The following LURAP1 variants were observed in gnomAD, a reference collection of about 807,000 sequenced individuals.
LURAP1 encodes the protein NF-kappa-B activator C1orf190.
In LURAP1, 14 loss-of-function variants were observed where a neutral mutation model predicts 19.0. That is an observed-to-expected ratio of 0.74 (90% confidence interval 0.49 to 1.15). The LOEUF is 1.15. LURAP1 is among the 50% of genes most tolerant of loss of function. The pLI, the probability that LURAP1 is intolerant of heterozygous loss-of-function variation, is 0.00. For synonymous variants in LURAP1, 129 were observed against 131.8 expected (o/e 0.98, Z 0.14); for missense variants, 273 against 309.1 (o/e 0.88, Z 0.87).
chr1:46,207,137 A>G (rs148531619), intron 1 of LURAP1, among the ~76,000 whole-genome samples: 3 of 151,024 alleles, frequency 2.0e-5, no homozygotes, highest in East Asian at 3.9e-4. Context: ...CTGGAGTGCA[A>G]TGGTACAATG....
rs112646799 is a variant in LURAP1, at chr1:46,214,164, G to A, written c.199-5535G>A. 8.2e-3 allele frequency among the ~76,000 whole-genome samples: 1,255 copies of A among 152,246 alleles called. 19 individuals carry two copies. The highest frequency in any genetic ancestry group is 0.037 in the Middle Eastern group (11 of 294). On this transcript the variant is annotated intron_variant, in intron 1 of 1. Transcript: ENST00000371980. ...AATTTGAGACCAGCCTGGCCAACAT[G>A]ATGAAACCCCATCCCTACTGAAAAT... is the stretch of plus-strand genomic sequence containing the variant.
intron 1 of LURAP1, among the ~76,000 whole-genome samples, chr1:46,214,031 A>G (rs1658983965): frequency 6.6e-6 from 1 of 152,080 alleles, no homozygotes; most frequent in Non-Finnish European, 1.5e-5. Context: ...GACCCTCTAT[A>G]TAGACCTAAA....
intron 1 of LURAP1, among the ~76,000 whole-genome samples, chr1:46,210,085 C>T (rs1356851230): frequency 6.6e-6 from 1 of 152,134 alleles, no homozygotes. Flanking sequence ...ATTGAGACTG[C>T]AAGCTTCTAT....
At chr1:46,218,330 G>A (rs1051245449) in intron 1 of LURAP1, among the ~76,000 whole-genome samples, 4 of 152,196 alleles carry the variant, frequency 2.6e-5, no homozygotes, top group Admixed American at 6.6e-5. Context: ...AGGCTGTAGT[G>A]AGCCATGACT....
chr1:46,219,308 A>T (rs1310926174), intron 1 of LURAP1, among the ~76,000 whole-genome samples: 2 of 152,142 alleles, frequency 1.3e-5, no homozygotes, highest in Non-Finnish European at 2.9e-5. Flanking sequence ...AAAAAAAAAA[A>T]AAGAAGTACC....
chr1:46,219,623 AAGGTAGTGG>A, intron 1 of LURAP1, 67 bp from the exon 2 acceptor site: 1 of 1,452,930 alleles, frequency 6.9e-7, no homozygotes, highest in Non-Finnish European at 9.2e-7. Flanking sequence ...GCTGAACCAC[AAGGTAGTGG>A]CCTGTGGAAA....
intron 1 of LURAP1, among the ~76,000 whole-genome samples, chr1:46,207,097 T>G (rs1658741158): frequency 6.6e-6 from 1 of 151,946 alleles, no homozygotes; most frequent in African/African-American, 2.4e-5. Context: ...TTTTTTTTTT[T>G]GACACAGGGT....
At chr1:46,215,346 C>T (rs1314626246) in intron 1 of LURAP1, among the ~76,000 whole-genome samples, 3 of 151,680 alleles carry the variant, frequency 2.0e-5, no homozygotes, top group East Asian at 1.9e-4. Flanking sequence ...CAGAAAAATA[C>T]TGGAGGATAA....
At position 46,220,441 on chromosome 1, in the gene LURAP1, T is replaced by G; in HGVS notation, c.*221T>G. 1.9e-6 allele frequency: 1 copy of G among 532,838 alleles called. No individual in the cohort carries two copies. The highest frequency in any genetic ancestry group is 3.2e-5 in the East Asian group (1 of 31,396). The allele number at this position is 532,838 out of a possible 1,614,324, so 33.0% of individuals were successfully genotyped here. ...AGCTTGCTCTTTCTTTCTTTCTTTC[T>G]TTTTTTGAGACAGGGTCTTATGCTG... is the stretch of plus-strand genomic sequence containing the variant. On this transcript the variant is annotated 3_prime_UTR_variant, in exon 2 of 2. Coordinates refer to ENST00000371980, the MANE Select transcript of LURAP1 (RefSeq NM_001013615.3).
chr1:46,214,279 G>C (rs758202781), intron 1 of LURAP1, among the ~76,000 whole-genome samples: 1 of 151,796 alleles, frequency 6.6e-6, no homozygotes, highest in Non-Finnish European at 1.5e-5. Context: ...CTGGGAGGTA[G>C]AGGTTGCAGT....
intron 1 of LURAP1, among the ~76,000 whole-genome samples, chr1:46,204,236 C>T (rs1658642417): frequency 6.6e-6 from 1 of 152,236 alleles, no homozygotes; most frequent in Non-Finnish European, 1.5e-5. Flanking sequence ...ATTCCCTCGC[C>T]TCAGACTCAG....
intron 1 of LURAP1, among the ~76,000 whole-genome samples, chr1:46,212,478 T>G (rs1658931151): frequency 6.6e-6 from 1 of 152,008 alleles, no homozygotes; most frequent in African/African-American, 2.4e-5. Flanking sequence ...AGACGGGGTT[T>G]CACCGTGTTA....
chr1:46,215,733 CA>C (rs200177357), intron 1 of LURAP1, among the ~76,000 whole-genome samples: 2 of 151,398 alleles, frequency 1.3e-5, no homozygotes, highest in East Asian at 1.9e-4. Flanking sequence ...ACCCCATCTA[CA>C]AAAAAAAATT....
intron 1 of LURAP1, among the ~76,000 whole-genome samples, chr1:46,213,094 CAT>C (rs1458517721): frequency 2.0e-5 from 3 of 152,100 alleles, no homozygotes; most frequent in East Asian, 1.9e-4. Flanking sequence ...AAACATTTAT[CAT>C]GTGTGTATAT....
At chr1:46,216,086 GC>G in intron 1 of LURAP1, among the ~76,000 whole-genome samples, 1 of 102,518 alleles carries the variant, frequency 9.8e-6, no homozygotes, top group South Asian at 3.2e-4. Context: ...TCTCGCTGTT[GC>G]CCAGGCTGGA....
At chr1:46,208,703 C>T (rs879612312) in intron 1 of LURAP1, among the ~76,000 whole-genome samples, 1 of 151,994 alleles carries the variant, frequency 6.6e-6, no homozygotes, top group African/African-American at 2.4e-5. Flanking sequence ...ATTAGCTGGA[C>T]GTGGTGGTGC....
intron 1 of LURAP1, among the ~76,000 whole-genome samples, chr1:46,206,816 T>G (rs1366086380): frequency 6.6e-6 from 1 of 152,180 alleles, no homozygotes; most frequent in African/African-American, 2.4e-5. Flanking sequence ...TCCTTAGCAC[T>G]GGGCCAAGCA....
rs35974757 is a variant in LURAP1, at chr1:46,209,550, T to TC, written c.198+5926_198+5927insC. On this transcript the variant is annotated intron_variant, in intron 1 of 1. Transcript: ENST00000371980. ...TGTTGTTGTTTTCTTTTTTTTTTTC[T>TC]TTTTTTTTTTTTGAGATGGAGTCTC... Among the ~76,000 whole-genome samples, 69 of 63,844 alleles carry TC rather than the reference T, an allele frequency of 1.1e-3. No homozygotes were observed. In the East Asian group the frequency reaches 0.043, roughly 40 times the overall value. The allele number at this position is 63,844 out of a possible 152,430, so 41.9% of individuals were successfully genotyped here. A position where few individuals can be genotyped will look rare whatever the true frequency, so the allele number is the denominator to read the frequency against.
chr1:46,211,307 A>C (rs1328431420), intron 1 of LURAP1, among the ~76,000 whole-genome samples: 1 of 152,128 alleles, frequency 6.6e-6, no homozygotes, highest in Non-Finnish European at 1.5e-5. Flanking sequence ...CTACTCTGGG[A>C]AGGTGAGAGG....
Sources: allele counts gnomAD v4.1 joint callset (sites outside exome capture counted in the v4.1 genomes callset), GRCh38; gene constraint gnomAD v4.1.1; transcripts MANE v1.5; gene names NCBI Gene and HGNC (gene_info 2026-07-23, HGNC 2026-07-21).